The following OGFRL1 variants were observed in gnomAD, a reference collection of about 807,000 sequenced individuals.
OGFRL1 encodes opioid growth factor receptor-like protein 1.
A neutral mutation model predicts 32.4 loss-of-function variants in OGFRL1; 26 were observed. The observed-to-expected ratio is 0.80, with a 90% CI of 0.59 to 1.11. The LOEUF is 1.11. OGFRL1 is among the 50% of genes most tolerant of loss of function. The pLI is 0.00. For synonymous variants in OGFRL1, 211 were observed against 201.2 expected, an observed-to-expected ratio of 1.05 and a Z score of -0.41; for missense variants, 521 against 546.4, an observed-to-expected ratio of 0.95 and a Z score of 0.46.
chr6:71,295,358 C>T lies in OGFRL1; in HGVS notation c.401-959C>T, dbSNP rs9446372. The T allele has an allele frequency of 6.1e-3, 924 of 152,164 alleles. 16 individuals are homozygous for T. The highest frequency in any genetic ancestry group is 0.021 in the African/African-American group (877 of 41,518). The allele number at this position is 152,164 out of a possible 1,614,324, so 9.4% of individuals were successfully genotyped here. A position where few individuals can be genotyped will look rare whatever the true frequency, so the allele number is the denominator to read the frequency against. ...ACAAACTGGTGATCTCTGGAGGAAACAAGAATGAGATGAGTTATGTTCGGA... is the reference window on the plus strand; with the variant it reads ...ACAAACTGGTGATCTCTGGAGGAAATAAGAATGAGATGAGTTATGTTCGGA... On this transcript the variant is annotated intron_variant, in intron 3 of 6. Transcript: ENST00000370435.
Position 71,305,448 on chromosome 6 carries a change from A to G in OGFRL1, c.*3399A>G, listed in dbSNP as rs146552773. The G allele has an allele frequency of 1.3e-3, 193 of 152,236 alleles. No homozygotes were observed. The highest frequency in any genetic ancestry group is 4.3e-3 in the African/African-American group (177 of 41,578). 9.4% of individuals were successfully genotyped at this position (152,236 alleles called of 1,614,324 possible). On this transcript the variant is annotated 3_prime_UTR_variant, in exon 7 of 7. Transcript: ENST00000370435. ...AAAGAATAATGATAGAGGTGAAAAT[A>G]TGTTTACTTTCTCTAAATCAAGCCT...
Position 71,301,735 on chromosome 6 carries a change from G to A in OGFRL1, c.1042G>A (p.Asp348Asn), listed in dbSNP as rs1322077668. ...SQTSMHKKAK[D>N]SKNSSSAVHL... ...AACTTCTATGCACAAAAAAGCCAAG[G>A]ACTCCAAAAATTCCTCCTCAGCTGT... is the stretch of plus-strand genomic sequence containing the variant. The change falls in exon 7 of 7, where the codon GAC becomes AAC. Residue 348 changes from aspartate (D) to asparagine (N), a missense_variant. By Grantham distance (23) the Asp-to-Asn change is conservative. Transcript: ENST00000370435. 6.2e-7 allele frequency: 1 copy of A among 1,613,792 alleles called. No homozygotes were observed. Among genetic ancestry groups the A allele is most frequent in the Non-Finnish European group, 8.5e-7 (1 of 1,179,990 alleles).
At chr6:71,291,565 T>G (rs1038471803) in intron 1 of OGFRL1, 1 of 152,154 alleles carries the variant, frequency 6.6e-6, no homozygotes, top group Admixed American at 6.5e-5. Flanking sequence ...AGGAACAATA[T>G]TGAACAACAG....
At chr6:71,292,634 G>T (rs1449673096) in intron 1 of OGFRL1, among the ~76,000 whole-genome samples, 1 of 152,064 alleles carries the variant, frequency 6.6e-6, no homozygotes, top group Non-Finnish European at 1.5e-5. Flanking sequence ...GTTTCAATTG[G>T]ACACCATTCC....
Position 71,289,107 on chromosome 6 carries a change from C to T in OGFRL1, c.171C>T (p.Ala57=), listed in dbSNP as rs1034574168. Residue 57 remains alanine, a synonymous_variant, in exon 1 of 7, where the codon GCC becomes GCT. Transcript: ENST00000370435. ...AGCCCGCGCAGCCCCCGGAGCAAGC[C>T]GGCGGGCGGCCCGGCGCCAGCCCCG... ...SEQPAQPPEQ[A]GGRPGASPAP... is the part of the protein sequence containing the mutation. The T allele has an allele frequency of 9.0e-6, 10 of 1,113,192 alleles. No individual in the cohort carries two copies. Among genetic ancestry groups the T allele is most frequent in the African/African-American group, 5.0e-5 (3 of 59,636 alleles). The allele number at this position is 1,113,192 out of a possible 1,614,324, so 69.0% of individuals were successfully genotyped here. A position where few individuals can be genotyped will look rare whatever the true frequency, so the allele number is the denominator to read the frequency against.
chr6:71,301,480 C>G lies in OGFRL1; in HGVS notation c.787C>G (p.Leu263Val). ...SFKSPLVKFILHEALVENTIP... is the reference protein window; with the variant it reads ...SFKSPLVKFIVHEALVENTIP... The stretch of plus-strand genomic sequence containing the variant: ...TAAATCTCCTCTTGTAAAATTTATT[C>G]TTCATGAAGCTCTTGTGGAGAATAC... The change falls in exon 7 of 7, where the codon CTT becomes GTT. Residue 263 changes from leucine to valine, a missense_variant. By Grantham distance (32) the Leu-to-Val change is conservative. Transcript: ENST00000370435. The G allele has an allele frequency of 6.2e-7, 1 of 1,613,062 alleles. No homozygotes were observed. The highest frequency in any genetic ancestry group is 8.5e-7 in the Non-Finnish European group (1 of 1,179,738).
At chr6:71,291,294 C>T (rs1435365468) in intron 1 of OGFRL1, 4 of 152,096 alleles carry the variant, frequency 2.6e-5, no homozygotes, top group African/African-American at 4.8e-5. Context: ...GTGAAGTTCA[C>T]AAGAACTATT....
rs2149360347 is a variant in OGFRL1 at position 71,308,540 on chromosome 6, C to G, written c.*6491C>G. 1 of 152,268 alleles carries G rather than the reference C, an allele frequency of 6.6e-6. No homozygotes were observed. The highest frequency in any genetic ancestry group is 2.1e-4 in the South Asian group (1 of 4,824). The allele number at this position is 152,268 out of a possible 1,614,324, so 9.4% of individuals were successfully genotyped here. On this transcript the variant is annotated 3_prime_UTR_variant, in exon 7 of 7. Coordinates refer to ENST00000370435, the MANE Select transcript of OGFRL1 (RefSeq NM_024576.5). ...AACATAAGCTCTGATTCTCCAGTGG[C>G]CACTGGGCCTTCTCTGTGCTCTGTA...
chr6:71,296,008 T>C (rs1468978329), intron 3 of OGFRL1, among the ~76,000 whole-genome samples: 2 of 152,154 alleles, frequency 1.3e-5, no homozygotes, highest in Admixed American at 6.6e-5. Flanking sequence ...TAAATGAATG[T>C]GCATAGCTAT....
intron 6 of OGFRL1, 26 bp downstream of exon 6, chr6:71,296,843 A>T (rs756387318): frequency 1.2e-6 from 2 of 1,605,140 alleles, no homozygotes; most frequent in East Asian, 2.2e-5. Flanking sequence ...GTGATAAATC[A>T]GGGGCCAGCA....
rs1402437931 is a variant in OGFRL1, at chr6:71,303,376, T to C, written c.*1327T>C. On this transcript the variant is annotated 3_prime_UTR_variant, in exon 7 of 7. Coordinates refer to ENST00000370435, the MANE Select transcript of OGFRL1 (RefSeq NM_024576.5). ...ACATGGAACAGAGTGGGACTTCTAA[T>C]TGTATGACTTCAAGATTTTGCTTTG... 1 of 152,196 alleles carries C rather than the reference T, an allele frequency of 6.6e-6. No homozygotes were observed. Among genetic ancestry groups the C allele is most frequent in the Admixed American group, 6.5e-5 (1 of 15,282 alleles). The allele number at this position is 152,196 out of a possible 1,614,324, so 9.4% of individuals were successfully genotyped here. A position where few individuals can be genotyped will look rare whatever the true frequency, so the allele number is the denominator to read the frequency against.
chr6:71,295,418 T>A (rs1232428360), intron 3 of OGFRL1: 1 of 152,202 alleles, frequency 6.6e-6, no homozygotes, highest in Admixed American at 6.5e-5. Context: ...TTCTACAACA[T>A]TGACTAAATG....
chr6:71,293,262 C>T, intron 1 of OGFRL1, 31 bp from the exon 2 acceptor site: 3 of 1,558,700 alleles, frequency 1.9e-6, no homozygotes, highest in Non-Finnish European at 2.6e-6. Context: ...CTTGCGTCAA[C>T]ATGTAAACGG....
chr6:71,289,838 C>A (rs1765992942), intron 1 of OGFRL1: 3 of 980,854 alleles, frequency 3.1e-6, no homozygotes, highest in Non-Finnish European at 1.2e-6. Flanking sequence ...GCCCCTTAAC[C>A]TCTGATGGAC....
chr6:71,302,055 C>A lies in OGFRL1; in HGVS notation c.*6C>A. 1 of 1,500,764 alleles carries A rather than the reference C, an allele frequency of 6.7e-7. No individual in the cohort carries two copies. Among genetic ancestry groups the A allele is most frequent in the Non-Finnish European group, 8.8e-7 (1 of 1,135,760 alleles). The allele number at this position is 1,500,764 out of a possible 1,614,324, so 93.0% of individuals were successfully genotyped here. A position where few individuals can be genotyped will look rare whatever the true frequency, so the allele number is the denominator to read the frequency against. On this transcript the variant is annotated 3_prime_UTR_variant, in exon 7 of 7. Coordinates refer to ENST00000370435, the MANE Select transcript of OGFRL1 (RefSeq NM_024576.5). Reference sequence around the variant, plus strand: ...ATGTTGTACTAGTACAGTGAATTATCAGAAAACCCAGAAGCCAGTTTAGGC... The same window carrying A: ...ATGTTGTACTAGTACAGTGAATTATAAGAAAACCCAGAAGCCAGTTTAGGC...
At chr6:71,298,009 T>G (rs1766268114) in intron 6 of OGFRL1, among the ~76,000 whole-genome samples, 1 of 138,734 alleles carries the variant, frequency 7.2e-6, no homozygotes. Context: ...TGTGTCCATG[T>G]GTTCTCATTG....
rs144042105 is a variant in OGFRL1, at chr6:71,300,332, T to C, written c.693-1054T>C. On this transcript the variant is annotated intron_variant, in intron 6 of 6. Transcript: ENST00000370435. Reference sequence around the variant, plus strand: ...AAAGCAAAGATTGAGCTGAGTGAGTTTGGGGAGTTACATTATGAATTGTGA... The same window carrying C: ...AAAGCAAAGATTGAGCTGAGTGAGTCTGGGGAGTTACATTATGAATTGTGA... 4.1e-3 allele frequency among the ~76,000 whole-genome samples: 621 copies of C among 152,296 alleles called. 3 individuals are homozygous for C. Among genetic ancestry groups the C allele is most frequent in the Middle Eastern group, 6.8e-3 (2 of 294 alleles).
At position 71,301,787 on chromosome 6, in the gene OGFRL1, A is replaced by C; in HGVS notation, c.1094A>C (p.Asp365Ala). Residue 365 changes from aspartate (D) to alanine (A), a missense_variant, in exon 7 of 7, where the codon GAC becomes GCC. Transcript: ENST00000370435. The stretch of plus-strand genomic sequence containing the variant: ...CATTTAAATAGCAAAACAGCTGAAG[A>C]CAAAAAAGTGGCACCAAAAGAGCCT... ...AVHLNSKTAE[D>A]KKVAPKEPVE... is the part of the protein sequence containing the mutation. 6.2e-7 allele frequency: 1 copy of C among 1,613,908 alleles called. No individual in the cohort carries two copies. Among genetic ancestry groups the C allele is most frequent in the African/African-American group, 1.3e-5 (1 of 74,990 alleles).
intron 1 of OGFRL1, chr6:71,289,395 G>A: frequency 1.0e-5 from 10 of 984,918 alleles, no homozygotes; most frequent in Non-Finnish European, 1.2e-5. Context: ...GGGCCTGGCC[G>A]AGGGCACGGC....
Sources: gnomAD v4.1 joint callset for allele counts (sites outside exome capture counted in the v4.1 genomes callset) on GRCh38, gnomAD v4.1.1 for gene constraint, MANE v1.5 for transcripts, NCBI Gene and HGNC (gene_info 2026-07-23, HGNC 2026-07-21) for gene names.